Variants in HSPA12A observed in about 807,000 individuals in gnomAD.
HSPA12A encodes the protein heat shock 70 kDa protein 12A.
In HSPA12A, 28 loss-of-function variants were observed where a neutral mutation model predicts 69.2. The observed-to-expected ratio is 0.40, with a 90% CI of 0.30 to 0.55. The LOEUF (loss-of-function observed/expected upper bound fraction) is 0.55, where lower values mean the gene tolerates loss of function less well. Ranked by LOEUF, HSPA12A falls within the 20% of genes least tolerant of loss-of-function variation. HSPA12A has a pLI of 0.38. For missense variants in HSPA12A, 686 were observed against 900.7 expected (o/e 0.76, Z 3.05); for synonymous variants, 345 against 370.5 (o/e 0.93, Z 0.79).
At position 116,723,683 on chromosome 10, in the gene HSPA12A, C is replaced by T. The variant is rs533136282; in HGVS notation, c.41-16398G>A. Among the ~76,000 whole-genome samples the T allele has an allele frequency of 8.5e-5, 13 of 152,324 alleles. No homozygotes were observed. The highest frequency in any genetic ancestry group is 5.9e-4 in the Admixed American group (9 of 15,304). Reference sequence around the variant, plus strand: ...ATTCATTCCTGAGACCCACTGCGCACACGTGCTGAGGTTTTAAAACTGAAT... The same window carrying T: ...ATTCATTCCTGAGACCCACTGCGCATACGTGCTGAGGTTTTAAAACTGAAT... On this transcript the variant is annotated intron_variant, in intron 1 of 11. Coordinates refer to ENST00000369209, the MANE Select transcript of HSPA12A (RefSeq NM_025015.3). The surrounding 1 kb of genome is among the most constrained non-coding windows in gnomAD (Gnocchi z 4.1).
At chr10:116,702,331 G>C (rs2132969772) in intron 3 of HSPA12A, among the ~76,000 whole-genome samples, 1 of 152,244 alleles carries the variant, frequency 6.6e-6, no homozygotes, top group East Asian at 1.9e-4. Context: ...GCGCCCTCAG[G>C]TGGGGACGCA....
intron 2 of HSPA12A, among the ~76,000 whole-genome samples, chr10:116,801,481 G>T (rs1230057964): frequency 1.3e-5 from 2 of 152,140 alleles, no homozygotes; most frequent in East Asian, 3.9e-4. Context: ...TCCCGAGGGG[G>T]TTCACAGGGA....
chr10:116,849,858 G>T, upstream of HSPA12A: 1 of 1,112,252 alleles, frequency 9.0e-7, no homozygotes, highest in Non-Finnish European at 1.3e-6. Flanking sequence ...CCCTGGGCCT[G>T]CGTGTGCGGA....
rs60517749 is a variant in HSPA12A, at chr10:116,702,122, CAGAG to C, written c.255-997_255-994del. Among the ~76,000 whole-genome samples the C allele has an allele frequency of 1.3e-3, 199 of 149,312 alleles. 1 individual carries two copies. The highest frequency in any genetic ancestry group is 4.3e-3 in the African/African-American group (175 of 40,560). On this transcript the variant is annotated intron_variant, in intron 3 of 11. Coordinates refer to ENST00000369209, the MANE Select transcript of HSPA12A (RefSeq NM_025015.3). ...AGACCCTATCTCTAAAAAGAAATGA[CAGAG>C]AGAGAGAGAGAGAGAGAGAGGCTGC...
intron 2 of HSPA12A, among the ~76,000 whole-genome samples, chr10:116,827,114 A>C (rs1224474941): frequency 6.6e-6 from 1 of 152,240 alleles, no homozygotes; most frequent in East Asian, 1.9e-4. Flanking sequence ...CACTGGGGAA[A>C]AACTGAGCTG....
intron 6 of HSPA12A, among the ~76,000 whole-genome samples, chr10:116,691,839 C>T (rs553442367): frequency 3.3e-5 from 5 of 152,382 alleles, no homozygotes; most frequent in East Asian, 3.9e-4. Flanking sequence ...AACACCCCCC[C>T]GCTGAGTGAA....
intron 1 of HSPA12A, among the ~76,000 whole-genome samples, chr10:116,729,675 A>G (rs1851092734): frequency 6.6e-6 from 1 of 152,210 alleles, no homozygotes; most frequent in Non-Finnish European, 1.5e-5. Flanking sequence ...AAATCTCCAG[A>G]AAATGTTCCA....
At chr10:116,836,616 T>C (rs147333967) in intron 1 of HSPA12A, among the ~76,000 whole-genome samples, 6 of 152,312 alleles carry the variant, frequency 3.9e-5, no homozygotes, top group African/African-American at 1.2e-4. Context: ...AAGAATGAGG[T>C]TGCAGAAGAG....
chr10:116,681,403 T>A, intron 8 of HSPA12A, 147 bp from the exon 9 acceptor site: 2 of 663,102 alleles, frequency 3.0e-6, no homozygotes, highest in Non-Finnish European at 5.4e-6. Flanking sequence ...GCTCTAGGAG[T>A]TAACCATGAC....
intron 2 of HSPA12A, among the ~76,000 whole-genome samples, chr10:116,798,813 T>C (rs1371144450): frequency 2.0e-5 from 3 of 152,176 alleles, no homozygotes; most frequent in Non-Finnish European, 4.4e-5. Context: ...CTCTTTGAAC[T>C]GGAACTAAAT....
chr10:116,840,064 G>T (rs576995063), intron 1 of HSPA12A, among the ~76,000 whole-genome samples: 6 of 152,166 alleles, frequency 3.9e-5, no homozygotes, highest in African/African-American at 1.4e-4. Context: ...TTTTTATTTT[G>T]TTCTCATATA....
At chr10:116,786,427 A>G (rs1250646287) in intron 2 of HSPA12A, among the ~76,000 whole-genome samples, 1 of 145,214 alleles carries the variant, frequency 6.9e-6, no homozygotes, top group Non-Finnish European at 1.6e-5. Context: ...GTGTGTGCAC[A>G]TTTTCCTGAA....
At chr10:116,778,367 G>A (rs912916637) in intron 2 of HSPA12A, among the ~76,000 whole-genome samples, 4 of 152,098 alleles carry the variant, frequency 2.6e-5, no homozygotes, top group South Asian at 2.1e-4. Flanking sequence ...TCTAACAGCC[G>A]ACCTTACACA....
chr10:116,677,416 G>A (rs782486091), intron 10 of HSPA12A, among the ~76,000 whole-genome samples: 8 of 152,230 alleles, frequency 5.3e-5, no homozygotes, highest in East Asian at 1.9e-4. Context: ...TTTCCATGGC[G>A]TAGGCCAAAG....
At chr10:116,836,058 T>G (rs1358624775) in intron 1 of HSPA12A, among the ~76,000 whole-genome samples, 1 of 151,996 alleles carries the variant, frequency 6.6e-6, no homozygotes, top group Non-Finnish European at 1.5e-5. Context: ...ATTAAGCAAA[T>G]AGAGAAAAGC....
chr10:116,754,441 A>G (rs1428984004), intron 2 of HSPA12A, among the ~76,000 whole-genome samples: 1 of 152,240 alleles, frequency 6.6e-6, no homozygotes, highest in East Asian at 1.9e-4. Flanking sequence ...AAAGAAAAAA[A>G]TCAAAATATT....
At chr10:116,699,185 C>T (rs1310706273) in intron 4 of HSPA12A, among the ~76,000 whole-genome samples, 10 of 152,136 alleles carry the variant, frequency 6.6e-5, no homozygotes, top group East Asian at 3.9e-4. Flanking sequence ...GCTAAACAGA[C>T]GAAGCTTTCA....
chr10:116,845,705 A>G (rs79925521), intron 1 of HSPA12A, among the ~76,000 whole-genome samples: 5,167 of 152,250 alleles, frequency 0.034, 255 homozygotes, highest in African/African-American at 0.11. Flanking sequence ...TGCTCTGGAA[A>G]TGCCCTAAGA....
At chr10:116,800,765 C>T (rs1381305933) in intron 2 of HSPA12A, among the ~76,000 whole-genome samples, 1 of 152,196 alleles carries the variant, frequency 6.6e-6, no homozygotes, top group East Asian at 1.9e-4. Context: ...GGTCTCAAGT[C>T]TATACTAACC....
Sources: gnomAD v4.1 joint callset for allele counts (sites outside exome capture counted in the v4.1 genomes callset) on GRCh38, gnomAD v4.1.1 for gene constraint, Gnocchi (gnomAD v3.1) non-coding constraint, MANE v1.5 for transcripts, NCBI Gene and HGNC (gene_info 2026-07-23, HGNC 2026-07-21) for gene names.